Variants in STAG2 observed in about 807,000 individuals in gnomAD.
The protein encoded by STAG2 is cohesin subunit SA-2.
STAG2 carries 14 observed loss-of-function variants against 108.1 expected under a neutral mutation model. The observed-to-expected ratio is 0.13, with a 90% CI of 0.09 to 0.20. The LOEUF (loss-of-function observed/expected upper bound fraction) is 0.20. STAG2 is among the 10% of genes least tolerant of loss of function. The pLI, the probability that STAG2 is intolerant of heterozygous loss-of-function variation, is 1.00. For synonymous variants in STAG2, 307 were observed against 302.7 expected, an observed-to-expected ratio of 1.01 and a Z score of -0.15; for missense variants, 440 against 940.9, an observed-to-expected ratio of 0.47 and a Z score of 6.96.
intron 33 of STAG2, among the ~76,000 whole-genome samples, chrX:124,095,080 A>G (rs1022064408): frequency 9.0e-6 from 1 of 110,945 alleles, no homozygotes; most frequent in African/African-American, 3.3e-5. Context: ...GGCGCCCGCA[A>G]CCACGCCCGG....
chrX:123,963,735 T>C (rs1413839329), intron 1 of STAG2, among the ~76,000 whole-genome samples: 2 of 111,367 alleles, frequency 1.8e-5, no homozygotes, highest in Non-Finnish European at 3.8e-5. Flanking sequence ...ATATGCCCTT[T>C]GGGTTTATGG....
chrX:124,028,338 T>C (rs2057174802), intron 4 of STAG2, among the ~76,000 whole-genome samples: 1 of 111,464 alleles, frequency 9.0e-6, no homozygotes, highest in African/African-American at 3.3e-5. Context: ...AAGTGACTAA[T>C]GAGCTGCGTG....
At chrX:123,973,085 A>G (rs918621531) in intron 1 of STAG2, among the ~76,000 whole-genome samples, 1 of 109,381 alleles carries the variant, frequency 9.1e-6, no homozygotes, top group African/African-American at 3.3e-5. Context: ...TAAAATAAAA[A>G]AAAAATGCAG....
At chrX:124,026,376 T>C (rs1387811617) in intron 4 of STAG2, among the ~76,000 whole-genome samples, 1 of 111,036 alleles carries the variant, frequency 9.0e-6, no homozygotes, top group Non-Finnish European at 1.9e-5. Flanking sequence ...ATAAGTAATA[T>C]GAAAGATAAA....
At chrX:123,977,629 T>C (rs2054680593) in intron 1 of STAG2, among the ~76,000 whole-genome samples, 1 of 111,026 alleles carries the variant, frequency 9.0e-6, no homozygotes, top group Admixed American at 9.7e-5. Context: ...CTCAGAAACA[T>C]TTCCTTTAAA....
chrX:123,981,195 G>A (rs1259984938), intron 1 of STAG2, among the ~76,000 whole-genome samples: 1 of 110,394 alleles, frequency 9.1e-6, no homozygotes, highest in Non-Finnish European at 1.9e-5. Flanking sequence ...CAGTTCAGTG[G>A]CATTGAGAAC....
intron 6 of STAG2, 80 bp from the exon 7 acceptor site, chrX:124,042,489 T>C: frequency 1.5e-6 from 1 of 652,523 alleles, no homozygotes; most frequent in East Asian, 3.3e-5. Context: ...ATAGACTTCT[T>C]AGTGTTAGAG....
In STAG2 at chrX:123,995,806, C is replaced by T. The variant is rs748710461; in HGVS notation, c.-162-25561C>T. ...AATAGAGAAGTGCTTATTAAAATGACAGATATCCCTTCTTAGACCTGTTTG... is the reference window on the plus strand; with the variant it reads ...AATAGAGAAGTGCTTATTAAAATGATAGATATCCCTTCTTAGACCTGTTTG... On this transcript the variant is annotated intron_variant, in intron 1 of 34. Transcript: ENST00000371145. Among the ~76,000 whole-genome samples the T allele has an allele frequency of 1.9e-4, 21 of 112,374 alleles. No individual in the cohort carries two copies. In the East Asian group the frequency reaches 4.7e-3, roughly 25 times the overall value.
intron 3 of STAG2, among the ~76,000 whole-genome samples, chrX:124,023,343 AGACTT>A (rs754668576): frequency 2.7e-5 from 3 of 110,600 alleles, no homozygotes; most frequent in South Asian, 7.6e-4. Context: ...GATCTTTATG[AGACTT>A]GACTTGAAAA....
At chrX:124,014,827 T>C (rs1449759226) in intron 1 of STAG2, among the ~76,000 whole-genome samples, 1 of 110,288 alleles carries the variant, frequency 9.1e-6, no homozygotes, top group Non-Finnish European at 1.9e-5. Flanking sequence ...AGGAATTCTG[T>C]AGGACTCCAT....
chrX:123,989,611 T>C (rs778389716), intron 1 of STAG2, among the ~76,000 whole-genome samples: 11 of 107,529 alleles, frequency 1.0e-4, no homozygotes, highest in East Asian at 2.9e-4. Context: ...TTCTTTCTTT[T>C]TTTTTTTTTT....
At chrX:123,998,470 C>T (rs1378252703) in intron 1 of STAG2, among the ~76,000 whole-genome samples, 5 of 105,278 alleles carry the variant, frequency 4.7e-5, no homozygotes, top group African/African-American at 1.0e-4. Flanking sequence ...CACGCCCTGC[C>T]GTGTGTGTGT....
chrX:124,091,928 TA>T (rs1476992327), intron 32 of STAG2, among the ~76,000 whole-genome samples: 1 of 112,668 alleles, frequency 8.9e-6, no homozygotes, highest in African/African-American at 3.2e-5. Context: ...GCTTTGGCTC[TA>T]AAAAACATGG....
chrX:124,051,446 T>C (rs778371760), intron 13 of STAG2, 52 bp downstream of exon 13: 39 of 970,689 alleles, frequency 4.0e-5, no homozygotes, highest in Non-Finnish European at 5.4e-5. Context: ...ATCTAAATAA[T>C]ATATTAGAGT....
chrX:123,963,373 A>G (rs747376074), intron 1 of STAG2: 5 of 111,755 alleles, frequency 4.5e-5, no homozygotes, highest in African/African-American at 1.3e-4. Flanking sequence ...TGGGAAGTGG[A>G]TGCATTTGTT....
chrX:123,997,765 C>G (rs2055814779), intron 1 of STAG2, among the ~76,000 whole-genome samples: 1 of 111,796 alleles, frequency 8.9e-6, no homozygotes, highest in African/African-American at 3.3e-5. Context: ...CTCGGCCTCC[C>G]AGGTAGCTGG....
chrX:124,013,324 A>AACACAC lies in STAG2; in HGVS notation c.-162-8024_-162-8019dup, dbSNP rs71886288. 3.2e-4 allele frequency among the ~76,000 whole-genome samples: 33 copies of AACACAC among 103,660 alleles called. No homozygotes were observed. In the East Asian group the frequency reaches 3.6e-3, roughly 11 times the overall value. The allele number at this position is 103,660 out of a possible 115,157, so 90.0% of individuals were successfully genotyped here. A position where few individuals can be genotyped will look rare whatever the true frequency, so the allele number is the denominator to read the frequency against. ...ATACACATGCACACACACACACACA[A>AACACAC]ACACACACACACACACACACACACG... On this transcript the variant is annotated intron_variant, in intron 1 of 34. Transcript: ENST00000371145.
At chrX:124,019,052 CTTTTTTTT>C (rs751161706) in intron 1 of STAG2, among the ~76,000 whole-genome samples, 4 of 79,902 alleles carry the variant, frequency 5.0e-5, no homozygotes, top group African/African-American at 1.5e-4. Flanking sequence ...ATTTAGCACT[CTTTTTTTT>C]TTTTTTTTTT....
chrX:124,066,443 G>A lies in STAG2; in HGVS notation c.2265+7G>A, dbSNP rs1456643298. On this transcript the variant is annotated splice_region_variant and intron_variant, in intron 23 of 34. Transcript: ENST00000371145. ...TGAAAGCAGCTCTACAAAGGTTTGT[G>A]GTGGTTCAGTAGTGTTTTTATTAGA... is the stretch of plus-strand genomic sequence containing the variant. 4.2e-6 allele frequency: 5 copies of A among 1,179,852 alleles called. No homozygotes were observed. The highest frequency in any genetic ancestry group is 3.5e-5 in the African/African-American group (2 of 56,390).
Sources: gnomAD v4.1 joint callset for allele counts (sites outside exome capture counted in the v4.1 genomes callset) on GRCh38, gnomAD v4.1.1 for gene constraint, MANE v1.5 for transcripts, NCBI Gene and HGNC (gene_info 2026-07-23, HGNC 2026-07-21) for gene names.